The following KIF6 variants were observed in gnomAD, a reference collection of about 807,000 sequenced individuals.
KIF6 encodes kinesin family member 6.
A neutral mutation model predicts 112.7 loss-of-function variants in KIF6; 106 were observed. The ratio of observed to expected loss-of-function variants is 0.94; its 90% CI spans 0.80 to 1.11. KIF6 has a LOEUF of 1.11. Among genes scored for constraint, KIF6 ranks in the 50% least tolerant of loss-of-function variants. The pLI is 0.00. For synonymous variants in KIF6, 339 were observed against 339.9 expected, an observed-to-expected ratio of 1.00 and a Z score of 0.03; for missense variants, 929 against 964.0, an observed-to-expected ratio of 0.96 and a Z score of 0.48.
intron 13 of KIF6, among the ~76,000 whole-genome samples, chr6:39,483,067 A>G (rs1350225138): frequency 6.6e-6 from 1 of 152,192 alleles, no homozygotes; most frequent in Non-Finnish European, 1.5e-5. Flanking sequence ...CAAAACTTTC[A>G]TTTCAGTAAA....
intron 19 of KIF6, among the ~76,000 whole-genome samples, chr6:39,348,258 C>T (rs942509158): frequency 6.6e-5 from 10 of 152,130 alleles, no homozygotes; most frequent in African/African-American, 2.4e-4. Context: ...GCTCAGGTTC[C>T]AGGGAGAGTT....
intron 4 of KIF6, among the ~76,000 whole-genome samples, chr6:39,635,295 G>T (rs1175795102): frequency 1.3e-5 from 2 of 151,514 alleles, no homozygotes; most frequent in East Asian, 1.9e-4. Flanking sequence ...GACCAAAAAA[G>T]GTTACTAAAA....
At chr6:39,422,341 A>C (rs1452613370) in intron 14 of KIF6, among the ~76,000 whole-genome samples, 2 of 151,842 alleles carry the variant, frequency 1.3e-5, no homozygotes, top group Non-Finnish European at 2.9e-5. Context: ...GCTGTGGTCA[A>C]CTCTCTCCAA....
chr6:39,424,129 G>A (rs967150270), intron 14 of KIF6, among the ~76,000 whole-genome samples: 1 of 152,110 alleles, frequency 6.6e-6, no homozygotes, highest in Non-Finnish European at 1.5e-5. Flanking sequence ...TCCCAGGCAG[G>A]CTTGAATCTT....
intron 20 of KIF6, among the ~76,000 whole-genome samples, chr6:39,346,119 CT>C (rs1228688343): frequency 5.7e-5 from 4 of 70,110 alleles, no homozygotes; most frequent in African/African-American, 1.7e-4. Flanking sequence ...CCCTCTCCCT[CT>C]CCCTCCCTCT....
intron 15 of KIF6, 70 bp from the exon 16 acceptor site, chr6:39,385,742 TGTG>T: frequency 1.1e-6 from 1 of 919,854 alleles, no homozygotes; most frequent in Non-Finnish European, 1.7e-6. Flanking sequence ...CTCAGAAGCA[TGTG>T]GCAAGCTACA....
chr6:39,371,649 G>T (rs546298663), intron 16 of KIF6, among the ~76,000 whole-genome samples: 2 of 151,884 alleles, frequency 1.3e-5, no homozygotes, highest in African/African-American at 4.8e-5. Flanking sequence ...GCTCTCCCTT[G>T]CAGTTTCCCT....
At chr6:39,634,400 G>A (rs936027429) in intron 5 of KIF6, among the ~76,000 whole-genome samples, 3 of 152,118 alleles carry the variant, frequency 2.0e-5, no homozygotes, top group Admixed American at 6.6e-5. Flanking sequence ...ATTAACCATA[G>A]TAGAGAAGCA....
At chr6:39,526,898 G>C (rs529691196) in intron 13 of KIF6, among the ~76,000 whole-genome samples, 12 of 152,326 alleles carry the variant, frequency 7.9e-5, no homozygotes, top group African/African-American at 2.6e-4. Flanking sequence ...TGATTTCAAA[G>C]CAGAGGTAGG....
Position 39,447,147 on chromosome 6 carries a change from T to G in KIF6, c.1646-15986A>C, listed in dbSNP as rs1772381729. Among the ~76,000 whole-genome samples, 3 of 152,314 alleles carry G rather than the reference T, an allele frequency of 2.0e-5. No homozygotes were observed. In the South Asian group the frequency reaches 6.2e-4, roughly 32 times the overall value. On this transcript the variant is annotated intron_variant, in intron 13 of 22. Coordinates refer to ENST00000287152, the MANE Select transcript of KIF6 (RefSeq NM_145027.6). Reference sequence around the variant, plus strand: ...GCTGAAATGGTCAGTCTGCCTCTACTGTTTCTGTGTTCTCTGCTTCCCAAC... The same window carrying G: ...GCTGAAATGGTCAGTCTGCCTCTACGGTTTCTGTGTTCTCTGCTTCCCAAC...
At chr6:39,399,621 C>A (rs146045328) in intron 15 of KIF6, among the ~76,000 whole-genome samples, 1 of 152,164 alleles carries the variant, frequency 6.6e-6, no homozygotes, top group Non-Finnish European at 1.5e-5. Flanking sequence ...AGCTATGGGT[C>A]CAGGCAGTGC....
chr6:39,535,741 C>A (rs1487212012), intron 13 of KIF6, among the ~76,000 whole-genome samples: 4 of 152,180 alleles, frequency 2.6e-5, no homozygotes, highest in East Asian at 3.8e-4. Flanking sequence ...ACTCTCCACC[C>A]AAAATCAACA....
Position 39,439,755 on chromosome 6 carries a change from G to A in KIF6, c.1646-8594C>T, listed in dbSNP as rs185495114. 6.2e-4 allele frequency among the ~76,000 whole-genome samples: 95 copies of A among 152,064 alleles called. 1 individual carries two copies. Among genetic ancestry groups the A allele is most frequent in the Non-Finnish European group, 4.0e-4 (27 of 67,998 alleles). ...TTATTTTGCTAACGAATACAACTTGGTACTTTGGGAAGCCCTCCCCATCCC... is the reference window on the plus strand; with the variant it reads ...TTATTTTGCTAACGAATACAACTTGATACTTTGGGAAGCCCTCCCCATCCC... On this transcript the variant is annotated intron_variant, in intron 13 of 22. Transcript: ENST00000287152.
intron 13 of KIF6, among the ~76,000 whole-genome samples, chr6:39,458,112 A>C (rs1773256324): frequency 6.6e-6 from 1 of 151,152 alleles, no homozygotes; most frequent in African/African-American, 2.5e-5. Flanking sequence ...CATTGATGCA[A>C]AAATCCTCAA....
intron 13 of KIF6, among the ~76,000 whole-genome samples, chr6:39,475,346 AAC>A: frequency 6.6e-6 from 1 of 152,228 alleles, no homozygotes; most frequent in Non-Finnish European, 1.5e-5. Context: ...GCCATTTTAA[AAC>A]ACACGCAAAC....
At chr6:39,676,529 G>C (rs1459414000) in intron 3 of KIF6, among the ~76,000 whole-genome samples, 2 of 152,154 alleles carry the variant, frequency 1.3e-5, no homozygotes, top group Admixed American at 6.5e-5. Context: ...AGGATAACAC[G>C]GGGAATAAGC....
At chr6:39,460,288 A>G (rs1325154651) in intron 13 of KIF6, among the ~76,000 whole-genome samples, 1 of 118,454 alleles carries the variant, frequency 8.4e-6, no homozygotes, top group East Asian at 2.5e-4. Flanking sequence ...AAAACCAAAC[A>G]CCGCATATTC....
intron 15 of KIF6, among the ~76,000 whole-genome samples, chr6:39,394,025 T>C (rs1050502596): frequency 6.6e-6 from 1 of 152,192 alleles, no homozygotes; most frequent in Non-Finnish European, 1.5e-5. Flanking sequence ...TTTGTGTGTG[T>C]GTGTTTGTGC....
At position 39,570,301 on chromosome 6, in the gene KIF6, AC is replaced by A. The variant is rs1467247114; in HGVS notation, c.1181+7754del. ...ACTGATGGAGGATACAGTGGTAGAGACCAGGTCTGGGGAAAAATGGAGAGGA... is the reference window on the plus strand; with the variant it reads ...ACTGATGGAGGATACAGTGGTAGAGACAGGTCTGGGGAAAAATGGAGAGGA... On this transcript the variant is annotated intron_variant, in intron 10 of 22. Coordinates refer to ENST00000287152, the MANE Select transcript of KIF6 (RefSeq NM_145027.6). Among the ~76,000 whole-genome samples, 9 of 152,282 alleles carry A rather than the reference AC, an allele frequency of 5.9e-5. No homozygotes were observed. The South Asian group carries it at 1.9e-3, about 32-fold the overall frequency.
Sources: gnomAD v4.1 joint callset for allele counts (sites outside exome capture counted in the v4.1 genomes callset) on GRCh38, gnomAD v4.1.1 for gene constraint, MANE v1.5 for transcripts, NCBI Gene and HGNC (gene_info 2026-07-23, HGNC 2026-07-21) for gene names.